ZDHHC14: variants seen among roughly 807,000 people sequenced by gnomAD.
The protein encoded by ZDHHC14 is palmitoyltransferase ZDHHC14.
A neutral mutation model predicts 47.7 loss-of-function variants in ZDHHC14; 16 were observed. The ratio of observed to expected loss-of-function variants is 0.34; its 90% CI spans 0.23 to 0.51. The LOEUF (loss-of-function observed/expected upper bound fraction) is 0.51. Ranked by LOEUF, ZDHHC14 falls within the 20% of genes least tolerant of loss-of-function variation. The probability of loss-of-function intolerance (pLI) is 0.97; values close to 1 mark genes in which losing one functional copy is unlikely to be tolerated. For missense variants in ZDHHC14, 515 were observed against 662.5 expected, an observed-to-expected ratio of 0.78 and a Z score of 2.44; for synonymous variants, 293 against 278.9, an observed-to-expected ratio of 1.05 and a Z score of -0.50.
At chr6:157,573,929 G>A (rs1305538804) in intron 2 of ZDHHC14, among the ~76,000 whole-genome samples, 1 of 151,944 alleles carries the variant, frequency 6.6e-6, no homozygotes, top group East Asian at 1.9e-4. Context: ...CAAGCATGCT[G>A]GGGAACGCTA....
chr6:157,528,939 A>G (rs947753465), intron 1 of ZDHHC14, among the ~76,000 whole-genome samples: 2 of 151,416 alleles, frequency 1.3e-5, no homozygotes, highest in African/African-American at 4.8e-5. Context: ...TTATAAAAGC[A>G]TAATTAGATG....
At chr6:157,383,356 T>C (rs767433870) in intron 1 of ZDHHC14, among the ~76,000 whole-genome samples, 3 of 152,202 alleles carry the variant, frequency 2.0e-5, no homozygotes, top group Non-Finnish European at 4.4e-5. Context: ...CTGGTTATTA[T>C]TGGGCTTGAT....
intron 2 of ZDHHC14, among the ~76,000 whole-genome samples, chr6:157,545,462 G>T (rs2114810428): frequency 6.6e-6 from 1 of 152,130 alleles, no homozygotes; most frequent in African/African-American, 2.4e-5. Context: ...AGATCACGAG[G>T]TCAGGAGATC....
chr6:157,546,385 A>G (rs771397746), intron 2 of ZDHHC14, among the ~76,000 whole-genome samples: 9 of 150,632 alleles, frequency 6.0e-5, no homozygotes, highest in African/African-American at 2.0e-4. Flanking sequence ...ATAGAAGCCC[A>G]TAATGGCCCC....
intron 8 of ZDHHC14, among the ~76,000 whole-genome samples, chr6:157,658,703 T>C (rs1025550128): frequency 6.6e-6 from 1 of 152,264 alleles, no homozygotes; most frequent in African/African-American, 2.4e-5. Context: ...TATATGTTGC[T>C]AAATTCAGTT....
intron 1 of ZDHHC14, among the ~76,000 whole-genome samples, chr6:157,453,788 T>TTTTTTTTTTGTGTGTGTG (rs3220439): frequency 2.0e-4 from 30 of 148,198 alleles, no homozygotes; most frequent in African/African-American, 7.3e-4. Flanking sequence ...TTTTTGTGTT[T>TTTTTTTTTTGTGTGTGTG]TGTGTGTGTG....
At chr6:157,636,199 A>AACACACACACACAC (rs200065831) in intron 5 of ZDHHC14, among the ~76,000 whole-genome samples, 3 of 150,740 alleles carry the variant, frequency 2.0e-5, no homozygotes, top group Non-Finnish European at 3.0e-5. Flanking sequence ...GATGGATTTA[A>AACACACACACACAC]ACACACACAC....
intron 1 of ZDHHC14, among the ~76,000 whole-genome samples, chr6:157,399,784 C>A (rs1777594032): frequency 6.6e-6 from 1 of 152,234 alleles, no homozygotes; most frequent in Non-Finnish European, 1.5e-5. Flanking sequence ...ACCAGGCTGG[C>A]TGGGTGGCTC....
chr6:157,507,925 GA>G (rs1780369715), intron 1 of ZDHHC14, among the ~76,000 whole-genome samples: 1 of 152,144 alleles, frequency 6.6e-6, no homozygotes, highest in African/African-American at 2.4e-5. Flanking sequence ...TTAAATATCT[GA>G]AAATATGTTT....
chr6:157,508,307 G>T (rs945852654), intron 1 of ZDHHC14, among the ~76,000 whole-genome samples: 2 of 152,024 alleles, frequency 1.3e-5, no homozygotes, highest in Non-Finnish European at 2.9e-5. Context: ...ATTATTTTTT[G>T]TCTGTTCTCT....
At chr6:157,469,671 C>T (rs555492071) in intron 1 of ZDHHC14, among the ~76,000 whole-genome samples, 176 of 152,308 alleles carry the variant, frequency 1.2e-3, no homozygotes, top group African/African-American at 4.2e-3. Flanking sequence ...GTCATCGTGG[C>T]AGAGGGAGAG....
intron 1 of ZDHHC14, among the ~76,000 whole-genome samples, chr6:157,512,029 G>A (rs1433393808): frequency 6.6e-6 from 1 of 152,178 alleles, no homozygotes; most frequent in African/African-American, 2.4e-5. Context: ...GAACGGTGAA[G>A]AAGGTCATAA....
chr6:157,656,695 C>A (rs1778105086), intron 8 of ZDHHC14, among the ~76,000 whole-genome samples: 1 of 136,178 alleles, frequency 7.3e-6, no homozygotes. Flanking sequence ...TGTCAGGAAG[C>A]TTGAAGATAC....
chr6:157,608,841 G>A (rs756306624), intron 3 of ZDHHC14, among the ~76,000 whole-genome samples: 1 of 152,228 alleles, frequency 6.6e-6, no homozygotes, highest in Admixed American at 6.5e-5. Context: ...GAGAGGGGGG[G>A]CTGTCCCCAC....
chr6:157,442,634 C>T (rs1389696694), intron 1 of ZDHHC14, among the ~76,000 whole-genome samples: 9 of 152,166 alleles, frequency 5.9e-5, no homozygotes, highest in Admixed American at 3.3e-4. Context: ...TTTGCCTGGG[C>T]GATTTTCTCC....
chr6:157,538,743 ACT>A (rs1046816172), intron 1 of ZDHHC14, among the ~76,000 whole-genome samples: 1 of 152,150 alleles, frequency 6.6e-6, no homozygotes, highest in Non-Finnish European at 1.5e-5. Context: ...GAGCCCAGAA[ACT>A]CTACCAAGGC....
chr6:157,648,187 A>G (rs1777652178), intron 7 of ZDHHC14, among the ~76,000 whole-genome samples: 1 of 151,872 alleles, frequency 6.6e-6, no homozygotes, highest in East Asian at 1.9e-4. Context: ...CAACTGATAA[A>G]TCAAACCATG....
At chr6:157,625,222 G>A (rs369155328) in intron 3 of ZDHHC14, among the ~76,000 whole-genome samples, 2 of 152,114 alleles carry the variant, frequency 1.3e-5, no homozygotes, top group South Asian at 2.1e-4. Flanking sequence ...GGGTAAAGCC[G>A]ATAGGACTTG....
At chr6:157,557,967 G>A (rs1782545799) in intron 2 of ZDHHC14, among the ~76,000 whole-genome samples, 1 of 152,200 alleles carries the variant, frequency 6.6e-6, no homozygotes, top group South Asian at 2.1e-4. Context: ...AGCCACACAT[G>A]CAAGCCACAC....
Sources: allele counts gnomAD v4.1 joint callset (sites outside exome capture counted in the v4.1 genomes callset), GRCh38; gene constraint gnomAD v4.1.1; transcripts MANE v1.5; gene names NCBI Gene and HGNC (gene_info 2026-07-23, HGNC 2026-07-21).